Variants in DTNBP1 observed in about 807,000 individuals in gnomAD.
The protein encoded by DTNBP1 is dystrobrevin binding protein 1, also known as dysbindin.
In DTNBP1, 35 loss-of-function variants were observed where a neutral mutation model predicts 42.8. That is an observed-to-expected ratio of 0.82 (90% CI 0.63 to 1.09). DTNBP1 has a LOEUF of 1.09. Ranked by LOEUF, DTNBP1 falls within the 50% of genes least tolerant of loss-of-function variation. DTNBP1 has a pLI of 0.00. For missense variants in DTNBP1, 457 were observed against 424.2 expected, an observed-to-expected ratio of 1.08 and a Z score of -0.68; for synonymous variants, 171 against 162.2, an observed-to-expected ratio of 1.05 and a Z score of -0.41.
chr6:15,637,599 G>A, intron 4 of DTNBP1, 145 bp downstream of exon 4: 1 of 857,908 alleles, frequency 1.2e-6, no homozygotes, highest in Non-Finnish European at 1.9e-6. Context: ...TATTCAGGGA[G>A]TTTCATAATC....
At chr6:15,623,593 T>A (rs2619540) in intron 5 of DTNBP1, among the ~76,000 whole-genome samples, 23,495 of 151,984 alleles carry the variant, frequency 0.15, 2,701 homozygotes, top group African/African-American at 0.32. Flanking sequence ...AAACCCAGAA[T>A]CTTCTGTTCT....
chr6:15,640,508 G>A (rs1169585696), intron 3 of DTNBP1, among the ~76,000 whole-genome samples: 1 of 152,190 alleles, frequency 6.6e-6, no homozygotes, highest in Non-Finnish European at 1.5e-5. Flanking sequence ...TAGTGGAAGT[G>A]TTCACAATAC....
intron 9 of DTNBP1, chr6:15,523,949 G>C: frequency 7.8e-7 from 1 of 1,287,394 alleles, no homozygotes; most frequent in Non-Finnish European, 1.0e-6. Context: ...CCAGCCCAAA[G>C]AACTGGTCTG....
intron 3 of DTNBP1, among the ~76,000 whole-genome samples, chr6:15,647,151 A>G (rs1027720633): frequency 4.0e-5 from 6 of 151,848 alleles, no homozygotes; most frequent in African/African-American, 1.4e-4. Context: ...TAAACAAATG[A>G]ACAAGAAAAA....
chr6:15,622,949 G>T (rs755694351), intron 5 of DTNBP1, among the ~76,000 whole-genome samples: 2 of 152,252 alleles, frequency 1.3e-5, no homozygotes, highest in South Asian at 2.1e-4. Context: ...ATGGAACAAA[G>T]AACTCTCCTT....
chr6:15,524,449 G>T, intron 9 of DTNBP1, 77 bp downstream of exon 9: 1 of 1,614,098 alleles, frequency 6.2e-7, no homozygotes. Context: ...CTGGCAGATG[G>T]TTCTCACGTC....
At position 15,524,228 on chromosome 6, in the gene DTNBP1, C is replaced by T. The variant is rs776512648; in HGVS notation, c.811+298G>A. The T allele has an allele frequency of 9.0e-6, 14 of 1,548,438 alleles. No homozygotes were observed. In the Admixed American group the frequency reaches 2.6e-4, roughly 29 times the overall value. ...AACGCCAGTCCTTAACCACAAGGAGCAGACTCAAATGGATTTCTGGGTGGT... is the reference window on the plus strand; with the variant it reads ...AACGCCAGTCCTTAACCACAAGGAGTAGACTCAAATGGATTTCTGGGTGGT... On this transcript the variant is annotated intron_variant, in intron 9 of 9. Transcript: ENST00000344537.
chr6:15,613,460 G>C (rs574026481), intron 6 of DTNBP1, among the ~76,000 whole-genome samples: 1 of 133,844 alleles, frequency 7.5e-6, no homozygotes, highest in Admixed American at 8.6e-5. Context: ...TGCGCCTCCC[G>C]GGTTCATGCC....
At chr6:15,623,512 A>AC (rs1366000598) in intron 5 of DTNBP1, among the ~76,000 whole-genome samples, 6 of 152,154 alleles carry the variant, frequency 3.9e-5, no homozygotes, top group Non-Finnish European at 2.9e-5. Flanking sequence ...TGATCACATC[A>AC]CCATGCTACA....
At chr6:15,658,394 T>C (rs2113828146) in intron 1 of DTNBP1, among the ~76,000 whole-genome samples, 1 of 152,292 alleles carries the variant, frequency 6.6e-6, no homozygotes, top group East Asian at 1.9e-4. Context: ...CAACCCCCTT[T>C]GTGTAGGTTT....
chr6:15,586,412 C>T (rs772379826), intron 7 of DTNBP1, among the ~76,000 whole-genome samples: 17 of 152,018 alleles, frequency 1.1e-4, no homozygotes, highest in Admixed American at 3.9e-4. Flanking sequence ...ATCCCACTCC[C>T]GCTGGTCCCC....
At chr6:15,630,655 C>A (rs781681927) in intron 4 of DTNBP1, among the ~76,000 whole-genome samples, 1 of 152,150 alleles carries the variant, frequency 6.6e-6, no homozygotes, top group African/African-American at 2.4e-5. Flanking sequence ...CGGTGGCTCA[C>A]GCCTGTAATC....
chr6:15,544,384 T>A lies in DTNBP1; in HGVS notation c.512-10989A>T, dbSNP rs183198519. Among the ~76,000 whole-genome samples the A allele has an allele frequency of 1.8e-3, 271 of 152,294 alleles. 1 individual carries two copies. The highest frequency in any genetic ancestry group is 3.0e-3 in the Non-Finnish European group (204 of 68,030). ...GCTGTCATGAACATTTGTGTATGAG[T>A]TCCTACATGAAAATAAGTACTTTCT... On this transcript the variant is annotated intron_variant, in intron 7 of 9. Coordinates refer to ENST00000344537, the MANE Select transcript of DTNBP1 (RefSeq NM_032122.5).
At chr6:15,647,003 G>C (rs551855736) in intron 3 of DTNBP1, among the ~76,000 whole-genome samples, 1 of 151,382 alleles carries the variant, frequency 6.6e-6, no homozygotes, top group African/African-American at 2.4e-5. Flanking sequence ...GACAAAAAAT[G>C]ACAAATGGGA....
chr6:15,540,691 G>C (rs535252415), intron 7 of DTNBP1, among the ~76,000 whole-genome samples: 2 of 152,278 alleles, frequency 1.3e-5, no homozygotes, highest in East Asian at 3.9e-4. Context: ...GTCCAGGCTG[G>C]AGTGCAGTGG....
At chr6:15,566,141 C>T (rs1176113905) in intron 7 of DTNBP1, among the ~76,000 whole-genome samples, 1 of 151,682 alleles carries the variant, frequency 6.6e-6, no homozygotes, top group Non-Finnish European at 1.5e-5. Flanking sequence ...GGTGAAACCC[C>T]GTCTCTACTA....
In DTNBP1 at chr6:15,636,404, G is replaced by T. The variant is rs151139858; in HGVS notation, c.222+1340C>A. ...GACCTCAGGTAATCCACCCACCTTG[G>T]CCTCCCAAAGTGCTGGGATTACAGG... On this transcript the variant is annotated intron_variant, in intron 4 of 9. Coordinates refer to ENST00000344537, the MANE Select transcript of DTNBP1 (RefSeq NM_032122.5). Among the ~76,000 whole-genome samples the T allele has an allele frequency of 8.7e-3, 1,318 of 152,180 alleles. 25 individuals carry two copies. Among genetic ancestry groups the T allele is most frequent in the African/African-American group, 0.029 (1,224 of 41,504 alleles).
chr6:15,615,682 G>A (rs917687350), intron 5 of DTNBP1, among the ~76,000 whole-genome samples: 1 of 152,116 alleles, frequency 6.6e-6, no homozygotes, highest in African/African-American at 2.4e-5. Flanking sequence ...CTTGATTAAC[G>A]TAATGCTATA....
intron 8 of DTNBP1, among the ~76,000 whole-genome samples, chr6:15,530,156 G>A (rs1772716920): frequency 6.6e-6 from 1 of 152,246 alleles, no homozygotes; most frequent in Admixed American, 6.5e-5. Flanking sequence ...TCGCTGTAGA[G>A]TTTTTAAAAT....
Sources: gnomAD v4.1 joint callset for allele counts (sites outside exome capture counted in the v4.1 genomes callset) on GRCh38, gnomAD v4.1.1 for gene constraint, MANE v1.5 for transcripts, NCBI Gene and HGNC (gene_info 2026-07-23, HGNC 2026-07-21) for gene names.